LRBA: variants seen among roughly 807,000 people sequenced by gnomAD.
The protein encoded by LRBA is lipopolysaccharide-responsive and beige-like anchor protein.
In LRBA, 176 loss-of-function variants were observed where a neutral mutation model predicts 330.0. The observed-to-expected ratio is 0.53, with a 90% CI of 0.47 to 0.60. The LOEUF (loss-of-function observed/expected upper bound fraction) is 0.60. Ranked by LOEUF, LRBA falls within the 20% of genes least tolerant of loss-of-function variation. The probability of loss-of-function intolerance (pLI) is 0.00; values close to 1 mark genes in which losing one functional copy is unlikely to be tolerated. For missense variants in LRBA, 3,259 were observed against 3,444.8 expected, an observed-to-expected ratio of 0.95 and a Z score of 1.35; for synonymous variants, 1,230 against 1,193.0, an observed-to-expected ratio of 1.03 and a Z score of -0.64.
intron 48 of LRBA, among the ~76,000 whole-genome samples, chr4:150,346,921 T>G (rs1011209516): frequency 3.9e-5 from 6 of 152,146 alleles, no homozygotes; most frequent in Non-Finnish European, 2.9e-5. Context: ...TCCATACTCT[T>G]GGCCACATTG....
intron 47 of LRBA, among the ~76,000 whole-genome samples, chr4:150,397,150 A>T (rs983561587): frequency 6.6e-6 from 1 of 152,072 alleles, no homozygotes; most frequent in African/African-American, 2.4e-5. Context: ...TATATCCTAA[A>T]TTTTTCTTTT....
At chr4:150,983,889 C>A (rs1420875119) in intron 2 of LRBA, among the ~76,000 whole-genome samples, 5 of 152,082 alleles carry the variant, frequency 3.3e-5, no homozygotes, top group Non-Finnish European at 5.9e-5. Flanking sequence ...CACCTTTCTA[C>A]CAGAAATACT....
chr4:150,720,449 G>C (rs1728785833), intron 36 of LRBA, among the ~76,000 whole-genome samples: 1 of 151,474 alleles, frequency 6.6e-6, no homozygotes, highest in Non-Finnish European at 1.5e-5. Flanking sequence ...AACAAAATTA[G>C]GAACAAAACA....
At chr4:150,456,566 T>C (rs994039320) in intron 44 of LRBA, among the ~76,000 whole-genome samples, 1 of 152,194 alleles carries the variant, frequency 6.6e-6, no homozygotes, top group African/African-American at 2.4e-5. Context: ...TTACATATTC[T>C]GGTTATTAAT....
chr4:150,413,137 G>C (rs1747254240), intron 47 of LRBA, among the ~76,000 whole-genome samples: 1 of 151,740 alleles, frequency 6.6e-6, no homozygotes, highest in African/African-American at 2.4e-5. Context: ...TTCATCATTA[G>C]GATAATGCAA....
intron 36 of LRBA, among the ~76,000 whole-genome samples, chr4:150,712,923 A>AGTTTTTG (rs1561542171): frequency 6.6e-6 from 1 of 152,046 alleles, no homozygotes; most frequent in Admixed American, 6.6e-5. Context: ...AAAGAAAACC[A>AGTTTTTG]GTTTTTTGGT....
chr4:150,584,876 T>C (rs1018962744), intron 40 of LRBA, among the ~76,000 whole-genome samples: 3 of 152,090 alleles, frequency 2.0e-5, no homozygotes, highest in African/African-American at 7.2e-5. Flanking sequence ...CCTTAGAAAA[T>C]AGAAAACACT....
chr4:150,650,943 A>G (rs1022339730), intron 37 of LRBA, among the ~76,000 whole-genome samples: 2 of 152,204 alleles, frequency 1.3e-5, no homozygotes, highest in Admixed American at 1.3e-4. Context: ...ACTAATCCTC[A>G]TGAGGTAAAG....
chr4:150,453,266 T>C (rs1032992064), intron 44 of LRBA, among the ~76,000 whole-genome samples: 1 of 152,178 alleles, frequency 6.6e-6, no homozygotes, highest in African/African-American at 2.4e-5. Context: ...CATGACTTTA[T>C]TACATGATTT....
intron 40 of LRBA, among the ~76,000 whole-genome samples, chr4:150,504,672 G>A (rs2152121714): frequency 6.6e-6 from 1 of 152,298 alleles, no homozygotes; most frequent in East Asian, 1.9e-4. Context: ...AGGCTAGGAA[G>A]AAACTGCATC....
At chr4:150,396,070 G>A (rs1185359612) in intron 47 of LRBA, among the ~76,000 whole-genome samples, 1 of 152,060 alleles carries the variant, frequency 6.6e-6, no homozygotes. Context: ...GGTGTTTCCA[G>A]AAAAGGTTAG....
intron 28 of LRBA, among the ~76,000 whole-genome samples, chr4:150,833,681 T>C (rs1377861787): frequency 6.6e-6 from 1 of 152,184 alleles, no homozygotes; most frequent in Non-Finnish European, 1.5e-5. Flanking sequence ...TTTTTGCTAG[T>C]GGAAGGTTGC....
chr4:150,551,322 G>GCATATA, intron 40 of LRBA, among the ~76,000 whole-genome samples: 4 of 152,194 alleles, frequency 2.6e-5, no homozygotes, highest in Non-Finnish European at 5.9e-5. Flanking sequence ...AAATGAATAT[G>GCATATA]TAAATTAGCA....
At chr4:150,290,149 T>C (rs1159894618) in intron 53 of LRBA, among the ~76,000 whole-genome samples, 1 of 152,164 alleles carries the variant, frequency 6.6e-6, no homozygotes, top group East Asian at 1.9e-4. Context: ...CTCACTGCAG[T>C]GTTCTCAGAA....
chr4:150,432,761 T>C (rs1414822896), intron 46 of LRBA, among the ~76,000 whole-genome samples: 1 of 152,064 alleles, frequency 6.6e-6, no homozygotes, highest in Non-Finnish European at 1.5e-5. Context: ...TAAATATACT[T>C]TCTAAGGTGC....
At chr4:150,590,958 A>C in intron 38 of LRBA, 99 bp from the exon 39 acceptor site, 1 of 985,968 alleles carries the variant, frequency 1.0e-6, no homozygotes, top group Non-Finnish European at 1.5e-6. Context: ...AAAGATGGTC[A>C]ATCTTTTATA....
intron 34 of LRBA, among the ~76,000 whole-genome samples, chr4:150,784,940 T>C (rs572795363): frequency 6.6e-6 from 1 of 152,282 alleles, no homozygotes; most frequent in East Asian, 1.9e-4. Context: ...TTCTCCCCAA[T>C]TTGTAACCAC....
rs368942762 is a variant in LRBA, at chr4:150,868,325, T to C, written c.2450-20A>G. The C allele has an allele frequency of 1.9e-6, 3 of 1,553,334 alleles. No individual in the cohort carries two copies. The highest frequency in any genetic ancestry group is 2.6e-6 in the Non-Finnish European group (3 of 1,148,446). On this transcript the variant is annotated intron_variant, in intron 20 of 56. Transcript: ENST00000651943. The stretch of plus-strand genomic sequence containing the variant: ...GTATCTCTGTAAGACAGTTTATAAA[T>C]AAGTAAAAACCAAACTCAACAAAAA...
chr4:150,625,377 C>CT (rs1162728549), intron 37 of LRBA, among the ~76,000 whole-genome samples: 1 of 152,120 alleles, frequency 6.6e-6, no homozygotes, highest in African/African-American at 2.4e-5. Flanking sequence ...ATCTTCAAAG[C>CT]TTTTTCAAGG....
Sources: allele counts gnomAD v4.1 joint callset (sites outside exome capture counted in the v4.1 genomes callset), GRCh38; gene constraint gnomAD v4.1.1; transcripts MANE v1.5; gene names NCBI Gene and HGNC (gene_info 2026-07-23, HGNC 2026-07-21).